CLIC5: variants seen among roughly 807,000 people sequenced by gnomAD.
The protein encoded by CLIC5 is chloride intracellular channel protein 5.
A neutral mutation model predicts 24.7 loss-of-function variants in CLIC5; 20 were observed. The ratio of observed to expected loss-of-function variants is 0.81; its 90% CI spans 0.57 to 1.18. The LOEUF is 1.18. Ranked by LOEUF, CLIC5 falls within the 50% of genes most tolerant of loss-of-function variation. The probability of loss-of-function intolerance (pLI) is 0.00; values close to 1 mark genes in which losing one functional copy is unlikely to be tolerated. For missense variants in CLIC5, 341 were observed against 326.1 expected (o/e 1.05, Z -0.35); for synonymous variants, 159 against 135.6 (o/e 1.17, Z -1.20).
intron 1 of CLIC5, among the ~76,000 whole-genome samples, chr6:45,994,001 T>A (rs905736097): frequency 1.3e-5 from 2 of 152,316 alleles, no homozygotes; most frequent in Middle Eastern, 3.4e-3. Context: ...CTTCTCCACT[T>A]AAAATCTTAA....
At chr6:45,890,457 G>T (rs1312494270) in intron 6 of CLIC5, among the ~76,000 whole-genome samples, 2 of 152,204 alleles carry the variant, frequency 1.3e-5, no homozygotes, top group Non-Finnish European at 2.9e-5. Flanking sequence ...CTTATACACT[G>T]TTGGTGGTAT....
chr6:46,095,281 C>T, the CLIC5 span, among the ~76,000 whole-genome samples: 2 of 152,054 alleles, frequency 1.3e-5, no homozygotes, highest in East Asian at 1.9e-4. Flanking sequence ...GCACTTGGCT[C>T]CTCTTATGCA....
the CLIC5 span, among the ~76,000 whole-genome samples, chr6:46,093,844 A>C: frequency 6.6e-6 from 1 of 152,198 alleles, no homozygotes; most frequent in Non-Finnish European, 1.5e-5. Context: ...GTTGACATAA[A>C]CCCCCTGTAT....
intron 1 of CLIC5, among the ~76,000 whole-genome samples, chr6:46,037,376 G>A (rs1204165343): frequency 1.3e-5 from 2 of 152,126 alleles, no homozygotes; most frequent in Admixed American, 1.3e-4. Flanking sequence ...AAAAGACTAT[G>A]CTCAGTAATA....
Position 45,912,444 on chromosome 6 carries a change from G to A in CLIC5, c.588+1784C>T, listed in dbSNP as rs138574937. 5.5e-5 allele frequency: 66 copies of A among 1,194,808 alleles called. No homozygotes were observed. In the African/African-American group the frequency reaches 9.2e-4, roughly 17 times the overall value. 74.0% of individuals were successfully genotyped at this position (1,194,808 alleles called of 1,614,324 possible). A position where few individuals can be genotyped will look rare whatever the true frequency, so the allele number is the denominator to read the frequency against. ...CAAGGCTTGGGAGATTCATTTGTTT[G>A]CTTTGTTCAACAAATGGTTTTTGAG... On this transcript the variant is annotated intron_variant, in intron 5 of 5. Coordinates refer to ENST00000339561, the MANE Select transcript of CLIC5 (RefSeq NM_016929.5).
chr6:45,889,325 T>C lies in CLIC5; in HGVS notation c.624-8137A>G, dbSNP rs189222858. On this transcript the variant is annotated intron_variant, in intron 6 of 6. Coordinates refer to the CLIC5 transcript ENST00000644324. ...TTTTTTTATAAGGGCATTAATCCTA[T>C]TCCTGAGAGCTCTACCCTCATGACT... is the stretch of plus-strand genomic sequence containing the variant. 3.4e-4 allele frequency among the ~76,000 whole-genome samples: 52 copies of C among 152,252 alleles called. 1 individual carries two copies. Among genetic ancestry groups the C allele is most frequent in the African/African-American group, 1.3e-3 (52 of 41,552 alleles).
chr6:45,960,517 A>T (rs1555213), intron 1 of CLIC5, among the ~76,000 whole-genome samples: 1 of 152,074 alleles, frequency 6.6e-6, no homozygotes, highest in Non-Finnish European at 1.5e-5. Flanking sequence ...GGGGGTGGGC[A>T]GTGTAGCTGT....
intron 1 of CLIC5, among the ~76,000 whole-genome samples, chr6:45,984,863 A>C (rs9463154): frequency 8.6e-4 from 131 of 152,292 alleles, no homozygotes; most frequent in Middle Eastern, 3.4e-3. Context: ...TTTCCCTCCA[A>C]AGACATTCAT....
the CLIC5 span, among the ~76,000 whole-genome samples, chr6:46,089,123 T>C: frequency 1.3e-5 from 2 of 152,134 alleles, no homozygotes; most frequent in East Asian, 1.9e-4. Flanking sequence ...TGGGTAGAAG[T>C]AGGGGACAAA....
intron 1 of CLIC5, among the ~76,000 whole-genome samples, chr6:45,966,106 A>G (rs890025919): frequency 8.5e-5 from 13 of 152,202 alleles, no homozygotes; most frequent in Admixed American, 7.9e-4. Flanking sequence ...CTGTCATCCT[A>G]GCTCTCTGTT....
At chr6:45,931,807 C>T (rs917989896) in intron 4 of CLIC5, among the ~76,000 whole-genome samples, 2 of 152,134 alleles carry the variant, frequency 1.3e-5, no homozygotes, top group East Asian at 3.9e-4. Context: ...TACAGGTGTG[C>T]GCCACCATGC....
At chr6:46,108,772 A>G in the CLIC5 span, among the ~76,000 whole-genome samples, 2 of 152,136 alleles carry the variant, frequency 1.3e-5, no homozygotes, top group Non-Finnish European at 2.9e-5. Flanking sequence ...GAAAGCTTTG[A>G]ATTATCACTT....
At chr6:46,044,350 G>C (rs909647759) in intron 1 of CLIC5, among the ~76,000 whole-genome samples, 27 of 152,090 alleles carry the variant, frequency 1.8e-4, no homozygotes, top group Admixed American at 6.6e-4. Flanking sequence ...ACCCAAAGAG[G>C]GTACATAAAG....
At chr6:46,001,499 C>T (rs1382568335) in intron 1 of CLIC5, among the ~76,000 whole-genome samples, 1 of 152,132 alleles carries the variant, frequency 6.6e-6, no homozygotes, top group East Asian at 1.9e-4. Flanking sequence ...CTCCCATAGC[C>T]TCATTCTTGC....
intron 4 of CLIC5, among the ~76,000 whole-genome samples, chr6:45,919,873 C>T (rs1393974665): frequency 6.6e-6 from 1 of 152,148 alleles, no homozygotes; most frequent in African/African-American, 2.4e-5. Context: ...GAATCACGTA[C>T]TCAGAGTGAC....
intron 6 of CLIC5, among the ~76,000 whole-genome samples, chr6:45,891,142 A>C (rs1762344004): frequency 6.6e-6 from 1 of 152,238 alleles, no homozygotes; most frequent in Admixed American, 6.5e-5. Context: ...TGATTTGATC[A>C]TTCCACAATT....
intron 1 of CLIC5, among the ~76,000 whole-genome samples, chr6:46,005,241 T>A (rs553720848): frequency 6.6e-6 from 1 of 152,370 alleles, no homozygotes; most frequent in East Asian, 1.9e-4. Context: ...CTCCTTCCCC[T>A]TTTGTGTTAT....
intron 1 of CLIC5, among the ~76,000 whole-genome samples, chr6:45,986,343 C>T (rs1344674751): frequency 6.6e-6 from 1 of 152,132 alleles, no homozygotes; most frequent in Admixed American, 6.5e-5. Flanking sequence ...TGGTGAGGAG[C>T]ACTAGGTTAG....
Position 45,993,216 on chromosome 6 carries a change from A to G in CLIC5, c.63+22264T>C, listed in dbSNP as rs181733775. ...CAGAAAACATCTAATTGTTCATAAGAGGAAAATTTCTGAAATTCTAATGTC... is the reference window on the plus strand; with the variant it reads ...CAGAAAACATCTAATTGTTCATAAGGGGAAAATTTCTGAAATTCTAATGTC... On this transcript the variant is annotated intron_variant, in intron 1 of 5. Coordinates refer to ENST00000339561, the MANE Select transcript of CLIC5 (RefSeq NM_016929.5). 2.2e-4 allele frequency among the ~76,000 whole-genome samples: 33 copies of G among 152,358 alleles called. No homozygotes were observed. The East Asian group carries it at 6.0e-3, about 28-fold the overall frequency.
Sources: gnomAD v4.1 joint callset for allele counts (sites outside exome capture counted in the v4.1 genomes callset) on GRCh38, gnomAD v4.1.1 for gene constraint, MANE v1.5 for transcripts, NCBI Gene and HGNC (gene_info 2026-07-23, HGNC 2026-07-21) for gene names.